Variants in PTPRN2 observed in about 807,000 individuals in gnomAD.
PTPRN2 encodes the protein receptor-type tyrosine-protein phosphatase N2.
A neutral mutation model predicts 118.8 loss-of-function variants in PTPRN2; 74 were observed. The ratio of observed to expected loss-of-function variants is 0.62; its 90% CI spans 0.52 to 0.76. The LOEUF (loss-of-function observed/expected upper bound fraction) is 0.76. Among genes scored for constraint, PTPRN2 ranks in the 30% least tolerant of loss-of-function variants. PTPRN2 has a pLI of 0.00. For synonymous variants in PTPRN2, 641 were observed against 608.0 expected, an observed-to-expected ratio of 1.05 and a Z score of -0.80; for missense variants, 1,481 against 1,394.4, an observed-to-expected ratio of 1.06 and a Z score of -0.99.
chr7:157,870,556 T>C (rs75909605), intron 12 of PTPRN2, among the ~76,000 whole-genome samples: 1,803 of 152,370 alleles, frequency 0.012, 39 homozygotes, highest in African/African-American at 0.041. Flanking sequence ...TATATTCTCT[T>C]CCTAGCCTTA....
chr7:158,524,263 AGCGGAGTCTGCCCTGGT>A (rs1824572373), intron 1 of PTPRN2, among the ~76,000 whole-genome samples: 1 of 45,418 alleles, frequency 2.2e-5, no homozygotes, highest in Non-Finnish European at 4.2e-5. Context: ...TCTGCCCTGG[AGCGGAGTCTGCCCTGGT>A]GTGGAGTCGT....
chr7:157,942,994 C>G (rs576226458), intron 11 of PTPRN2, among the ~76,000 whole-genome samples: 1 of 152,150 alleles, frequency 6.6e-6, no homozygotes, highest in Non-Finnish European at 1.5e-5. Flanking sequence ...CTGCAAGAGC[C>G]GAGCTCTGTG....
intron 6 of PTPRN2, among the ~76,000 whole-genome samples, chr7:158,149,154 C>A (rs1383231836): frequency 3.9e-5 from 5 of 126,788 alleles, no homozygotes; most frequent in African/African-American, 7.7e-5. Context: ...GTCTTTCCCC[C>A]TCAGTGACAC....
At chr7:158,152,408 G>A (rs1005264955) in intron 6 of PTPRN2, among the ~76,000 whole-genome samples, 2 of 152,184 alleles carry the variant, frequency 1.3e-5, no homozygotes, top group Admixed American at 1.3e-4. Context: ...GAGCACTAAG[G>A]CCGTGGGCAG....
At chr7:157,800,641 G>T (rs1004217356) in intron 12 of PTPRN2, among the ~76,000 whole-genome samples, 2 of 151,018 alleles carry the variant, frequency 1.3e-5, no homozygotes, top group African/African-American at 5.0e-5. Context: ...GAGGTTCTTT[G>T]CTTTTTTTAA....
chr7:157,821,073 C>T (rs983266603), intron 12 of PTPRN2, among the ~76,000 whole-genome samples: 2 of 152,202 alleles, frequency 1.3e-5, no homozygotes, highest in Non-Finnish European at 2.9e-5. Flanking sequence ...GCTTGTGTGA[C>T]CCCAAGGCAG....
In PTPRN2 at chr7:158,138,389, C is replaced by A. The variant is rs376293152; in HGVS notation, c.1037G>T (p.Gly346Val). 1 of 1,613,912 alleles carries A rather than the reference C, an allele frequency of 6.2e-7. No homozygotes were observed. The highest frequency in any genetic ancestry group is 1.7e-5 in the Admixed American group (1 of 60,038). Residue 346 changes from glycine to valine, a missense_variant, in exon 7 of 23, where the codon GGA becomes GTA. Physicochemically the swap from Gly to Val is moderately radical, Grantham distance 109. This residue lies in a region of PTPRN2 where 1,115 missense variants were observed against 994.2 expected (regional missense o/e 1.12). Transcript: ENST00000389418. ...TCTCCCAGGGCTGCCTCGAGCTACT[C>A]CATGGTCCACGCCTTGCATCAGGCC... ...MAGLMQGVDHGVARGSPGRAA... is the reference protein window; with the variant it reads ...MAGLMQGVDHVVARGSPGRAA...
At chr7:157,920,734 T>C (rs1035879128) in intron 11 of PTPRN2, among the ~76,000 whole-genome samples, 1 of 152,142 alleles carries the variant, frequency 6.6e-6, no homozygotes, top group Admixed American at 6.5e-5. Flanking sequence ...ATGCAAAAAG[T>C]GAATCCAGAC....
intron 3 of PTPRN2, among the ~76,000 whole-genome samples, chr7:158,289,789 A>G (rs1799991444): frequency 2.0e-5 from 3 of 151,984 alleles, no homozygotes; most frequent in African/African-American, 4.8e-5. Flanking sequence ...GGAAGTAGGG[A>G]CTTATTCTAT....
intron 12 of PTPRN2, among the ~76,000 whole-genome samples, chr7:157,820,345 AC>A (rs1295438154): frequency 6.9e-6 from 1 of 144,866 alleles, no homozygotes; most frequent in African/African-American, 2.6e-5. Flanking sequence ...TCACATATGC[AC>A]TCAAACATAC....
At chr7:158,373,970 G>A (rs558316682) in intron 2 of PTPRN2, among the ~76,000 whole-genome samples, 8 of 152,330 alleles carry the variant, frequency 5.3e-5, no homozygotes, top group South Asian at 2.1e-4. Context: ...AAGATGAGAC[G>A]CTGTGGGTGC....
chr7:157,642,552 C>T (rs535266288), intron 14 of PTPRN2, among the ~76,000 whole-genome samples: 11 of 152,186 alleles, frequency 7.2e-5, no homozygotes, highest in East Asian at 3.9e-4. Flanking sequence ...CATGAGTTCC[C>T]GAGCAGCCTG....
intron 2 of PTPRN2, among the ~76,000 whole-genome samples, chr7:158,331,701 T>C (rs1164686819): frequency 4.7e-5 from 7 of 148,380 alleles, no homozygotes; most frequent in African/African-American, 1.8e-4. Context: ...CTTGCAGACG[T>C]CACTAACACC....
intron 12 of PTPRN2, among the ~76,000 whole-genome samples, chr7:157,707,224 C>T (rs1798378427): frequency 6.6e-6 from 1 of 151,728 alleles, no homozygotes; most frequent in Non-Finnish European, 1.5e-5. Flanking sequence ...TTCACATAGA[C>T]AAGTACCTCG....
intron 2 of PTPRN2, among the ~76,000 whole-genome samples, chr7:158,319,635 A>T (rs1802724282): frequency 9.2e-6 from 1 of 109,192 alleles, no homozygotes; most frequent in East Asian, 2.9e-4. Flanking sequence ...TCCCTCACAC[A>T]CACACAGCCT....
At chr7:158,081,224 A>G (rs1812794336) in intron 11 of PTPRN2, 74 bp downstream of exon 11, 2 of 1,374,266 alleles carry the variant, frequency 1.5e-6, no homozygotes, top group East Asian at 2.3e-5. Flanking sequence ...CTGGCTGTGC[A>G]TGTGCGTGTT....
chr7:157,971,517 C>T (rs1053791723), intron 11 of PTPRN2, among the ~76,000 whole-genome samples: 3 of 152,198 alleles, frequency 2.0e-5, no homozygotes, highest in Non-Finnish European at 4.4e-5. Context: ...ACATTAATCA[C>T]AGCAAACTCA....
intron 3 of PTPRN2, among the ~76,000 whole-genome samples, chr7:158,249,021 CA>C (rs1384496389): frequency 6.8e-6 from 1 of 146,760 alleles, no homozygotes; most frequent in Non-Finnish European, 1.5e-5. Context: ...TATGTGCATA[CA>C]TAAACACACG....
intron 6 of PTPRN2, among the ~76,000 whole-genome samples, chr7:158,145,129 G>T (rs1241982524): frequency 6.6e-6 from 1 of 150,462 alleles, no homozygotes; most frequent in East Asian, 2.0e-4. Flanking sequence ...TCGCGAGAAG[G>T]TTCCAGAATA....
Sources: gnomAD v4.1 joint callset for allele counts (sites outside exome capture counted in the v4.1 genomes callset) on GRCh38, gnomAD v4.1.1 for gene constraint, gnomAD v4.1.1 regional missense constraint, MANE v1.5 for transcripts, NCBI Gene and HGNC (gene_info 2026-07-23, HGNC 2026-07-21) for gene names.